The following CREB3L2 variants were observed in gnomAD, a reference collection of about 807,000 sequenced individuals.
CREB3L2 encodes cyclic AMP-responsive element-binding protein 3-like protein 2.
CREB3L2 carries 23 observed loss-of-function variants against 57.2 expected under a neutral mutation model. The ratio of observed to expected loss-of-function variants is 0.40; its 90% CI spans 0.29 to 0.57. CREB3L2 has a LOEUF of 0.57. Among genes scored for constraint, CREB3L2 ranks in the 20% least tolerant of loss-of-function variants. The pLI is 0.42. For synonymous variants in CREB3L2, 268 were observed against 265.1 expected, an observed-to-expected ratio of 1.01 and a Z score of -0.11; for missense variants, 628 against 634.7, an observed-to-expected ratio of 0.99 and a Z score of 0.11.
At chr7:137,914,629 T>C (rs273958) in intron 3 of CREB3L2, among the ~76,000 whole-genome samples, 83,524 of 151,652 alleles carry the variant, frequency 0.55, 23,817 homozygotes, top group East Asian at 0.79. Flanking sequence ...AGACTTCTGT[T>C]TCAAAAAAAA....
intron 1 of CREB3L2, among the ~76,000 whole-genome samples, chr7:137,945,391 A>C (rs2117263307): frequency 6.6e-6 from 1 of 152,344 alleles, no homozygotes; most frequent in Middle Eastern, 3.4e-3. Context: ...CTTTTTCAAA[A>C]CAGCCTCTGT....
chr7:137,939,139 C>G (rs1419589716), intron 1 of CREB3L2, among the ~76,000 whole-genome samples: 2 of 152,170 alleles, frequency 1.3e-5, no homozygotes, highest in African/African-American at 4.8e-5. Flanking sequence ...CAACAAGTAC[C>G]AACAGGAATA....
intron 1 of CREB3L2, among the ~76,000 whole-genome samples, chr7:137,976,843 C>T (rs6948572): frequency 0.76 from 115,815 of 152,152 alleles, 44,795 homozygotes; most frequent in East Asian, 0.97. Flanking sequence ...CCATGAGCCC[C>T]GCCCAGAGAC....
intron 2 of CREB3L2, among the ~76,000 whole-genome samples, chr7:137,922,222 C>T (rs1800297454): frequency 6.6e-6 from 1 of 151,252 alleles, no homozygotes; most frequent in South Asian, 2.1e-4. Flanking sequence ...CCTTTAAATA[C>T]TCAAGTCCTC....
intron 1 of CREB3L2, chr7:137,953,596 C>T (rs1467660125): frequency 9.5e-7 from 1 of 1,056,796 alleles, no homozygotes; most frequent in African/African-American, 1.6e-5. Context: ...CTAGAGAAAT[C>T]ATTTCATCTC....
intron 2 of CREB3L2, among the ~76,000 whole-genome samples, 164 bp downstream of exon 2, chr7:137,927,986 C>T (rs959849278): frequency 6.6e-6 from 1 of 152,034 alleles, no homozygotes; most frequent in Non-Finnish European, 1.5e-5. Flanking sequence ...GGGTCCTGGG[C>T]CTCTTTGCTT....
At chr7:137,946,446 C>T (rs984801602) in intron 1 of CREB3L2, among the ~76,000 whole-genome samples, 1 of 151,156 alleles carries the variant, frequency 6.6e-6, no homozygotes, top group Non-Finnish European at 1.5e-5. Context: ...AAAAAACAAC[C>T]CTGAATTCTG....
intron 2 of CREB3L2, among the ~76,000 whole-genome samples, chr7:137,922,415 T>TGTATATATATATATATATATAC: frequency 4.3e-5 from 1 of 23,158 alleles, no homozygotes; most frequent in Non-Finnish European, 8.6e-5. Flanking sequence ...TATATATATA[T>TGTATATATATATATATATATAC]GTATATATAT....
chr7:137,947,758 A>G (rs984079635), intron 1 of CREB3L2, among the ~76,000 whole-genome samples: 2 of 152,222 alleles, frequency 1.3e-5, no homozygotes, highest in African/African-American at 4.8e-5. Context: ...GAGGAAGAAG[A>G]ATTTTTGAAA....
At chr7:137,969,761 AACACACACAC>A (rs66931280) in intron 1 of CREB3L2, among the ~76,000 whole-genome samples, 1 of 103,550 alleles carries the variant, frequency 9.7e-6, no homozygotes, top group Non-Finnish European at 2.3e-5. Context: ...AGGGTCATCA[AACACACACAC>A]ACACACACAC....
chr7:137,938,823 C>T (rs1800836215), intron 1 of CREB3L2, among the ~76,000 whole-genome samples: 1 of 151,986 alleles, frequency 6.6e-6, no homozygotes, highest in Admixed American at 6.6e-5. Context: ...TCCTGAATGG[C>T]CTATAGCAGT....
At chr7:137,990,224 A>G (rs1294522050) in intron 1 of CREB3L2, among the ~76,000 whole-genome samples, 1 of 152,164 alleles carries the variant, frequency 6.6e-6, no homozygotes, top group Non-Finnish European at 1.5e-5. Context: ...AGGATCAGTC[A>G]TGACTTTTTC....
chr7:137,903,043 G>A lies in CREB3L2; in HGVS notation c.974+916C>T, dbSNP rs545331848. 2.5e-3 allele frequency among the ~76,000 whole-genome samples: 379 copies of A among 152,158 alleles called. 2 individuals carry two copies. Among genetic ancestry groups the A allele is most frequent in the African/African-American group, 8.3e-3 (346 of 41,524 alleles). On this transcript the variant is annotated intron_variant, in intron 7 of 11. Coordinates refer to ENST00000330387, the MANE Select transcript of CREB3L2 (RefSeq NM_194071.4). Reference sequence around the variant, plus strand: ...GCCCAGGCTGGTCTTGAACTCCTGAGCTCAAGCAATCCTCTCACCTTGGCC... The same window carrying A: ...GCCCAGGCTGGTCTTGAACTCCTGAACTCAAGCAATCCTCTCACCTTGGCC...
At chr7:137,902,311 C>G (rs1799779970) in intron 7 of CREB3L2, among the ~76,000 whole-genome samples, 2 of 151,948 alleles carry the variant, frequency 1.3e-5, no homozygotes, top group Admixed American at 1.3e-4. Flanking sequence ...TTCCTCTCAC[C>G]TCCTCCCTAG....
intron 1 of CREB3L2, among the ~76,000 whole-genome samples, chr7:137,986,206 T>C (rs1338873241): frequency 6.6e-6 from 1 of 152,198 alleles, no homozygotes; most frequent in Non-Finnish European, 1.5e-5. Flanking sequence ...TCACCAAACA[T>C]TTTACTGGAC....
At chr7:137,883,469 A>G (rs28510326) in intron 10 of CREB3L2, among the ~76,000 whole-genome samples, 1,558 of 152,312 alleles carry the variant, frequency 0.01, 29 homozygotes, top group African/African-American at 0.036. Context: ...TATGGGAAAA[A>G]CCATACAGGG....
In CREB3L2 at chr7:138,001,489, T is replaced by A; in HGVS notation, c.102+115A>T. 1.4e-6 allele frequency: 1 copy of A among 703,606 alleles called. No homozygotes were observed. Among genetic ancestry groups the A allele is most frequent in the Non-Finnish European group, 2.4e-6 (1 of 416,896 alleles). 43.6% of individuals were successfully genotyped at this position (703,606 alleles called of 1,614,324 possible). A position where few individuals can be genotyped will look rare whatever the true frequency, so the allele number is the denominator to read the frequency against. ...CACCTCGCCCAGGACCTCTTGATTC[T>A]GACCATGCCCTGCCCCAAACCCTGC... On this transcript the variant is annotated intron_variant, in intron 1 of 11. Transcript: ENST00000330387. This position sits in a 1 kb window ranked among gnomAD's most constrained non-coding sequence, Gnocchi z 4.2.
In CREB3L2 at chr7:137,880,637, C is replaced by T; in HGVS notation, c.1488-86G>A. 1 of 1,087,076 alleles carries T rather than the reference C, an allele frequency of 9.2e-7. No individual in the cohort carries two copies. The highest frequency in any genetic ancestry group is 1.4e-6 in the Non-Finnish European group (1 of 712,148). 67.3% of individuals were successfully genotyped at this position (1,087,076 alleles called of 1,614,324 possible). On this transcript the variant is annotated intron_variant, in intron 11 of 11. Transcript: ENST00000330387. The surrounding 1 kb of genome is among the most constrained non-coding windows in gnomAD (Gnocchi z 4.0). ...TGCTTTGTAGCGTGATGCAATCATT[C>T]AGGGGTTGCAACTTGGTGAGACGGC... is the stretch of plus-strand genomic sequence containing the variant.
chr7:137,938,341 TTTTG>T (rs974046675), intron 1 of CREB3L2, among the ~76,000 whole-genome samples: 2 of 152,004 alleles, frequency 1.3e-5, no homozygotes, highest in African/African-American at 4.8e-5. Flanking sequence ...GAAATGGGTT[TTTTG>T]TTTGTTTGTT....
Sources: allele counts gnomAD v4.1 joint callset (sites outside exome capture counted in the v4.1 genomes callset), GRCh38; gene constraint gnomAD v4.1.1; non-coding constraint Gnocchi (gnomAD v3.1); transcripts MANE v1.5; gene names NCBI Gene and HGNC (gene_info 2026-07-23, HGNC 2026-07-21).